Variants in DNAJB6 observed in about 807,000 individuals in gnomAD.
DNAJB6 encodes dnaJ homolog subfamily B member 6.
A neutral mutation model predicts 42.7 loss-of-function variants in DNAJB6; 16 were observed. The observed-to-expected ratio is 0.37, with a 90% CI of 0.25 to 0.57. The LOEUF (loss-of-function observed/expected upper bound fraction) is 0.57, where lower values mean the gene tolerates loss of function less well. DNAJB6 is among the 20% of genes least tolerant of loss of function. The pLI is 0.74. For missense variants in DNAJB6, 347 were observed against 416.8 expected, an observed-to-expected ratio of 0.83 and a Z score of 1.46; for synonymous variants, 170 against 163.5, an observed-to-expected ratio of 1.04 and a Z score of -0.30.
chr7:157,376,046 C>T (rs1432597660), intron 5 of DNAJB6, among the ~76,000 whole-genome samples: 1 of 152,116 alleles, frequency 6.6e-6, no homozygotes, highest in South Asian at 2.1e-4. Flanking sequence ...TGAGGAAGGG[C>T]GAGCTTAGTG....
chr7:157,387,314 G>T (rs1254298289), intron 8 of DNAJB6, among the ~76,000 whole-genome samples: 1 of 152,174 alleles, frequency 6.6e-6, no homozygotes, highest in African/African-American at 2.4e-5. Context: ...CCCAGCACGC[G>T]GCACTTCCTG....
chr7:157,387,060 G>A (rs775421485), intron 8 of DNAJB6, among the ~76,000 whole-genome samples: 15 of 152,206 alleles, frequency 9.9e-5, no homozygotes, highest in Non-Finnish European at 4.4e-5. Context: ...AGAAGGACAG[G>A]CGGTTCCCTG....
rs1295546520 is a variant in DNAJB6 at position 157,409,803 on chromosome 7, G to A, written c.700G>A (p.Asp234Asn). Reference sequence around the variant, plus strand: ...TCCCGCTGTGCCTGCAGGTGTGGCCGACGACGATGCCCTCGCTGAGGAGCG... The same window carrying A: ...TCCCGCTGTGCCTGCAGGTGTGGCCAACGACGATGCCCTCGCTGAGGAGCG... ...LKSLTINGVADDDALAEERMR... is the reference protein window; with the variant it reads ...LKSLTINGVANDDALAEERMR... Residue 234 changes from aspartate (D) to asparagine (N), a missense_variant, in exon 9 of 10, where the codon GAC becomes AAC. Asp to Asn is a conservative substitution (Grantham distance 23, BLOSUM62 1). This residue lies in a region of DNAJB6 where 264 missense variants were observed against 288.0 expected (regional missense o/e 0.92). Coordinates refer to ENST00000262177, the MANE Select transcript of DNAJB6 (RefSeq NM_058246.4). The A allele has an allele frequency of 1.3e-6, 2 of 1,527,612 alleles. No homozygotes were observed. The highest frequency in any genetic ancestry group is 1.4e-5 in the African/African-American group (1 of 72,686). 94.6% of individuals were successfully genotyped at this position (1,527,612 alleles called of 1,614,324 possible).
At position 157,357,838 on chromosome 7, in the gene DNAJB6, T is replaced by TAA. The variant is rs546064605; in HGVS notation, c.-26-708_-26-707insAA. ...GAACCACGTAATCCATAGGGGAACT[T>TAA]AGAGAATGAATCTCTGCTGCTGGTT... On this transcript the variant is annotated intron_variant, in intron 1 of 9. Coordinates refer to ENST00000262177, the MANE Select transcript of DNAJB6 (RefSeq NM_058246.4). Among the ~76,000 whole-genome samples the TAA allele has an allele frequency of 1.3e-3, 196 of 152,306 alleles. 4 individuals carry two copies. The highest frequency in any genetic ancestry group is 3.4e-3 in the Middle Eastern group (1 of 294).
intron 8 of DNAJB6, among the ~76,000 whole-genome samples, chr7:157,408,619 C>G (rs1465602196): frequency 6.6e-6 from 1 of 152,244 alleles, no homozygotes; most frequent in African/African-American, 2.4e-5. Context: ...TCCTTCCTGA[C>G]CTCGGAGCCC....
At chr7:157,339,750 C>G (rs1199115893) in intron 1 of DNAJB6, 1 of 152,546 alleles carries the variant, frequency 6.6e-6, no homozygotes, top group Admixed American at 6.6e-5. Flanking sequence ...CTCAGCCTCC[C>G]GAGTAGCTGG....
At chr7:157,354,474 T>TTA (rs1554454220) in intron 1 of DNAJB6, among the ~76,000 whole-genome samples, 2 of 151,678 alleles carry the variant, frequency 1.3e-5, no homozygotes, top group East Asian at 1.9e-4. Context: ...ATTTTTTTTT[T>TTA]AAAAAAATTA....
rs1208318571 is a variant in DNAJB6 at position 157,417,041 on chromosome 7, C to A, written c.*943C>A. 1 of 152,198 alleles carries A rather than the reference C, an allele frequency of 6.6e-6. No individual in the cohort carries two copies. The highest frequency in any genetic ancestry group is 2.4e-5 in the African/African-American group (1 of 41,456). 9.4% of individuals were successfully genotyped at this position (152,198 alleles called of 1,614,324 possible). On this transcript the variant is annotated 3_prime_UTR_variant, in exon 10 of 10. Transcript: ENST00000262177. ...AGCACGGAGTAGAATTCCAGGGCTG[C>A]CTTGACTTCTTCCCTGCATGCTCCC...
At chr7:157,382,471 G>T (rs1178006892) in intron 6 of DNAJB6, 94 bp downstream of exon 6, 4 of 1,362,788 alleles carry the variant, frequency 2.9e-6, no homozygotes, top group Non-Finnish European at 3.9e-6. Context: ...TTTAAAATAT[G>T]TGTATACCTT....
At chr7:157,354,946 T>C (rs1372139028) in intron 1 of DNAJB6, among the ~76,000 whole-genome samples, 2 of 152,154 alleles carry the variant, frequency 1.3e-5, no homozygotes, top group Non-Finnish European at 2.9e-5. Context: ...TCGTGTTCTA[T>C]TTAGGATGTC....
intron 1 of DNAJB6, among the ~76,000 whole-genome samples, chr7:157,350,685 C>G (rs1398408623): frequency 7.2e-6 from 1 of 138,000 alleles, no homozygotes; most frequent in Non-Finnish European, 1.6e-5. Flanking sequence ...GAGACAACAA[C>G]CTTTTTTTTT....
intron 8 of DNAJB6, among the ~76,000 whole-genome samples, chr7:157,394,872 G>A (rs1339803686): frequency 1.3e-5 from 2 of 152,196 alleles, no homozygotes; most frequent in Admixed American, 6.5e-5. Flanking sequence ...TGAGCTGCGT[G>A]GCGGGTGGAT....
At chr7:157,404,133 A>AT (rs1563150282) in intron 8 of DNAJB6, among the ~76,000 whole-genome samples, 1 of 150,800 alleles carries the variant, frequency 6.6e-6, no homozygotes, top group Non-Finnish European at 1.5e-5. Context: ...GGCCTGGCTA[A>AT]TTTTTTCTTT....
At chr7:157,366,667 A>G in intron 4 of DNAJB6, 106 bp downstream of exon 4, 1 of 1,037,704 alleles carries the variant, frequency 9.6e-7, no homozygotes, top group Non-Finnish European at 1.5e-6. Context: ...CAGTAAATAG[A>G]GATGCAACGT....
intron 9 of DNAJB6, chr7:157,410,761 G>A (rs1795945479): frequency 6.6e-6 from 1 of 152,298 alleles, no homozygotes; most frequent in East Asian, 1.9e-4. Context: ...GACATGGATG[G>A]TTGATCCCTG....
chr7:157,380,198 T>G (rs1437149273), intron 5 of DNAJB6: 1 of 152,186 alleles, frequency 6.6e-6, no homozygotes, highest in Non-Finnish European at 1.5e-5. Flanking sequence ...TAATGTTTGT[T>G]TCTTTACCTG....
intron 1 of DNAJB6, among the ~76,000 whole-genome samples, chr7:157,342,831 C>G (rs540620702): frequency 3.8e-4 from 58 of 152,168 alleles, no homozygotes; most frequent in Non-Finnish European, 6.0e-4. Flanking sequence ...GAAATGGTCT[C>G]TGATCTTGAG....
intron 1 of DNAJB6, among the ~76,000 whole-genome samples, chr7:157,351,826 C>CA (rs996485348): frequency 1.9e-4 from 29 of 148,984 alleles, no homozygotes; most frequent in Admixed American, 3.3e-4. Flanking sequence ...AAAAACAAAA[C>CA]AAAAAAAACC....
At chr7:157,390,936 A>G (rs1271082705) in intron 8 of DNAJB6, among the ~76,000 whole-genome samples, 1 of 152,172 alleles carries the variant, frequency 6.6e-6, no homozygotes, top group East Asian at 1.9e-4. Context: ...CCTGGGCTCA[A>G]GCATTCCTCC....
Sources: gnomAD v4.1 joint callset for allele counts (sites outside exome capture counted in the v4.1 genomes callset) on GRCh38, gnomAD v4.1.1 for gene constraint, gnomAD v4.1.1 regional missense constraint, MANE v1.5 for transcripts, NCBI Gene and HGNC (gene_info 2026-07-23, HGNC 2026-07-21) for gene names.